Variants in KCTD16 observed in about 807,000 individuals in gnomAD.
KCTD16 encodes the protein BTB/POZ domain-containing protein KCTD16.
In KCTD16, 13 loss-of-function variants were observed where a neutral mutation model predicts 33.2. The observed-to-expected ratio is 0.39, with a 90% CI of 0.25 to 0.62. The LOEUF (loss-of-function observed/expected upper bound fraction) is 0.62. Among genes scored for constraint, KCTD16 ranks in the 20% least tolerant of loss-of-function variants. KCTD16 has a pLI of 0.50. For missense variants in KCTD16, 441 were observed against 525.1 expected, an observed-to-expected ratio of 0.84 and a Z score of 1.57; for synonymous variants, 197 against 195.3, an observed-to-expected ratio of 1.01 and a Z score of -0.07.
At chr5:144,298,265 G>A (rs1580853183) in intron 3 of KCTD16, among the ~76,000 whole-genome samples, 1 of 152,142 alleles carries the variant, frequency 6.6e-6, no homozygotes, top group Admixed American at 6.5e-5. Flanking sequence ...CGACCATCTT[G>A]GAAGTGGCCT....
chr5:144,315,104 A>G (rs1751869853), intron 3 of KCTD16, among the ~76,000 whole-genome samples: 1 of 152,224 alleles, frequency 6.6e-6, no homozygotes, highest in Non-Finnish European at 1.5e-5. Flanking sequence ...AAGGTATTTT[A>G]AAGACACAGC....
chr5:144,250,245 G>T (rs1417058498), intron 3 of KCTD16, among the ~76,000 whole-genome samples: 1 of 152,128 alleles, frequency 6.6e-6, no homozygotes, highest in Non-Finnish European at 1.5e-5. Context: ...GGAATTGTGA[G>T]CCATTTCCAC....
At chr5:144,304,244 G>A (rs1751527292) in intron 3 of KCTD16, among the ~76,000 whole-genome samples, 2 of 152,206 alleles carry the variant, frequency 1.3e-5, no homozygotes, top group South Asian at 2.1e-4. Flanking sequence ...GAGCCAGTGT[G>A]GGTAATAGTG....
intron 3 of KCTD16, among the ~76,000 whole-genome samples, chr5:144,398,005 A>G (rs769920073): frequency 6.6e-6 from 1 of 152,230 alleles, no homozygotes; most frequent in East Asian, 1.9e-4. Context: ...ATCTTGCTCT[A>G]GCAGCTGTTT....
intron 3 of KCTD16, among the ~76,000 whole-genome samples, chr5:144,250,795 C>G (rs1754677391): frequency 6.6e-6 from 1 of 152,034 alleles, no homozygotes; most frequent in African/African-American, 2.4e-5. Flanking sequence ...TATATGTCAT[C>G]TATATGTGTC....
At position 144,480,765 on chromosome 5, in the gene KCTD16, C is replaced by T. The variant is rs139949282; in HGVS notation, c.*6651C>T. On this transcript the variant is annotated 3_prime_UTR_variant, in exon 4 of 4. Transcript: ENST00000512467. ...AGATCCTACAGTGTACTGGAAAGCC[C>T]TCCATAACAAAAAGTTATCCAGCCC... is the stretch of plus-strand genomic sequence containing the variant. 1.7e-3 allele frequency: 251 copies of T among 151,964 alleles called. 2 individuals carry two copies. Among genetic ancestry groups the T allele is most frequent in the East Asian group, 5.6e-3 (29 of 5,136 alleles). 9.4% of individuals were successfully genotyped at this position (151,964 alleles called of 1,614,324 possible).
intron 3 of KCTD16, among the ~76,000 whole-genome samples, chr5:144,299,908 A>AC (rs202237747): frequency 0.013 from 1,943 of 148,700 alleles, 46 homozygotes; most frequent in African/African-American, 0.048. Context: ...TAAAAAAAAA[A>AC]AAAAAAACAA....
chr5:144,293,084 T>A (rs1377318713), intron 3 of KCTD16, among the ~76,000 whole-genome samples: 1 of 152,216 alleles, frequency 6.6e-6, no homozygotes, highest in Non-Finnish European at 1.5e-5. Context: ...GAACTTTGCT[T>A]CCCTCAGTTC....
intron 3 of KCTD16, among the ~76,000 whole-genome samples, chr5:144,216,155 C>T (rs1432075720): frequency 6.6e-6 from 1 of 152,172 alleles, no homozygotes; most frequent in Non-Finnish European, 1.5e-5. Flanking sequence ...TTGTGAATAT[C>T]AGCCTAGAGA....
chr5:144,380,776 G>A (rs992250490), intron 3 of KCTD16, among the ~76,000 whole-genome samples: 24 of 152,122 alleles, frequency 1.6e-4, no homozygotes, highest in African/African-American at 4.1e-4. Context: ...GCAGAAGATC[G>A]AAACTGGACT....
intron 3 of KCTD16, among the ~76,000 whole-genome samples, chr5:144,302,578 C>T (rs1171794127): frequency 6.6e-6 from 1 of 152,122 alleles, no homozygotes; most frequent in Admixed American, 6.6e-5. Flanking sequence ...AAATCTTCAC[C>T]CACTGATTTT....
rs2127006841 is a variant in KCTD16, at chr5:144,480,009, A to G, written c.*5895A>G. ...GTTTATTTTTAGAATTGACCTTTAG[A>G]TAATTTACCTGCATTTGCACAGTGA... On this transcript the variant is annotated 3_prime_UTR_variant, in exon 4 of 4. Coordinates refer to ENST00000512467, the MANE Select transcript of KCTD16 (RefSeq NM_020768.4). The G allele has an allele frequency of 6.6e-6, 1 of 152,112 alleles. No homozygotes were observed. The highest frequency in any genetic ancestry group is 2.1e-4 in the South Asian group (1 of 4,828). The allele number at this position is 152,112 out of a possible 1,614,324, so 9.4% of individuals were successfully genotyped here.
chr5:144,415,676 G>T (rs928207335), intron 3 of KCTD16, among the ~76,000 whole-genome samples: 2 of 152,176 alleles, frequency 1.3e-5, no homozygotes, highest in Non-Finnish European at 2.9e-5. Context: ...GAGAAACAGG[G>T]TCAATTCCGA....
chr5:144,225,266 A>G (rs1043698342), intron 3 of KCTD16, among the ~76,000 whole-genome samples: 9 of 152,042 alleles, frequency 5.9e-5, no homozygotes, highest in Non-Finnish European at 1.2e-4. Flanking sequence ...TTCAAGTTTT[A>G]TGAACACAAT....
intron 2 of KCTD16, among the ~76,000 whole-genome samples, chr5:144,202,364 G>A (rs897835981): frequency 6.6e-6 from 1 of 152,168 alleles, no homozygotes; most frequent in South Asian, 2.1e-4. Flanking sequence ...TGAGACATTC[G>A]CTTACTCTAG....
At chr5:144,425,888 T>C (rs867247222) in intron 3 of KCTD16, among the ~76,000 whole-genome samples, 1 of 152,136 alleles carries the variant, frequency 6.6e-6, no homozygotes, top group Non-Finnish European at 1.5e-5. Flanking sequence ...TTAAGGTCTT[T>C]CTCCCATTGT....
intron 3 of KCTD16, among the ~76,000 whole-genome samples, chr5:144,272,932 T>G (rs1417992152): frequency 1.3e-5 from 2 of 152,110 alleles, no homozygotes; most frequent in East Asian, 3.9e-4. Context: ...AAATATTTTT[T>G]GGGCATAACA....
intron 3 of KCTD16, among the ~76,000 whole-genome samples, chr5:144,401,677 A>G (rs182954320): frequency 2.0e-5 from 3 of 152,316 alleles, no homozygotes; most frequent in East Asian, 1.9e-4. Flanking sequence ...TGCCTTTACC[A>G]TCTATCCCAT....
intron 3 of KCTD16, among the ~76,000 whole-genome samples, chr5:144,429,400 G>A (rs1476045006): frequency 1.3e-5 from 2 of 152,128 alleles, no homozygotes; most frequent in African/African-American, 2.4e-5. Flanking sequence ...ACTTCCCTGA[G>A]CAGCAGAGAA....
Sources: allele counts gnomAD v4.1 joint callset (sites outside exome capture counted in the v4.1 genomes callset), GRCh38; gene constraint gnomAD v4.1.1; transcripts MANE v1.5; gene names NCBI Gene and HGNC (gene_info 2026-07-23, HGNC 2026-07-21).